Variants in KCNA2 observed in about 807,000 individuals in gnomAD.
KCNA2 encodes the protein potassium voltage-gated channel subfamily A member 2.
KCNA2 carries 11 observed loss-of-function variants against 33.4 expected under a neutral mutation model. The ratio of observed to expected loss-of-function variants is 0.33; its 90% confidence interval spans 0.21 to 0.55. The LOEUF (loss-of-function observed/expected upper bound fraction) is 0.55. KCNA2 is among the 20% of genes least tolerant of loss of function. The pLI is 0.93. For missense variants in KCNA2, 291 were observed against 621.6 expected, an observed-to-expected ratio of 0.47 and a Z score of 5.66; for synonymous variants, 222 against 231.3, an observed-to-expected ratio of 0.96 and a Z score of 0.37.
Position 110,594,166 on chromosome 1 carries a change from A to G in KCNA2, c.*9117T>C, listed in dbSNP as rs1007854065. ...TCTTTGAGTTTTCAGCAATTATTAGAGACAGGACATGGGAGGGCAGCTGAA... is the reference window on the plus strand; with the variant it reads ...TCTTTGAGTTTTCAGCAATTATTAGGGACAGGACATGGGAGGGCAGCTGAA... On this transcript the variant is annotated 3_prime_UTR_variant, in exon 3 of 3. Coordinates refer to ENST00000316361, the MANE Select transcript of KCNA2 (RefSeq NM_004974.4). 8.4e-6 allele frequency: 11 copies of G among 1,317,244 alleles called. No homozygotes were observed. In the African/African-American group the frequency reaches 1.7e-4, roughly 20 times the overall value. 81.6% of individuals were successfully genotyped at this position (1,317,244 alleles called of 1,614,324 possible).
rs1288135271 is a variant in KCNA2 at position 110,594,163 on chromosome 1, TAG to T, written c.*9118_*9119del. 12 of 1,321,966 alleles carry T rather than the reference TAG, an allele frequency of 9.1e-6. No individual in the cohort carries two copies. Among genetic ancestry groups the T allele is most frequent in the Non-Finnish European group, 1.2e-5 (12 of 1,037,370 alleles). 81.9% of individuals were successfully genotyped at this position (1,321,966 alleles called of 1,614,324 possible). A position where few individuals can be genotyped will look rare whatever the true frequency, so the allele number is the denominator to read the frequency against. On this transcript the variant is annotated 3_prime_UTR_variant, in exon 3 of 3. Coordinates refer to ENST00000316361, the MANE Select transcript of KCNA2 (RefSeq NM_004974.4). ...ACCTCTTTGAGTTTTCAGCAATTAT[TAG>T]AGACAGGACATGGGAGGGCAGCTGA...
At chr1:110,611,780 TG>T (rs2101433234) in intron 1 of KCNA2, among the ~76,000 whole-genome samples, 1 of 149,814 alleles carries the variant, frequency 6.7e-6, no homozygotes, top group East Asian at 2.0e-4. Flanking sequence ...TCTAACACTC[TG>T]GGAGGTTGAG....
intron 1 of KCNA2, among the ~76,000 whole-genome samples, chr1:110,620,448 C>T (rs1021884278): frequency 6.6e-6 from 1 of 152,176 alleles, no homozygotes; most frequent in Non-Finnish European, 1.5e-5. Flanking sequence ...GGCATGGCTG[C>T]CCATCGTCTC....
rs149933872 is a variant in KCNA2, at chr1:110,614,461, G to A, written c.-495-8739C>T. ...GCCTGAAGGTTACTCTAAGCCCCAC[G>A]TCCTTCTTCTCTCCCTTTTATGGCC... is the stretch of plus-strand genomic sequence containing the variant. On this transcript the variant is annotated intron_variant, in intron 1 of 4. Coordinates refer to the KCNA2 transcript ENST00000369770. Among the ~76,000 whole-genome samples, 765 of 152,312 alleles carry A rather than the reference G, an allele frequency of 5.0e-3. 5 individuals are homozygous for A. Among genetic ancestry groups the A allele is most frequent in the Non-Finnish European group, 8.7e-3 (590 of 68,028 alleles).
chr1:110,627,055 G>A (rs1249634365), intron 1 of KCNA2, among the ~76,000 whole-genome samples: 3 of 152,178 alleles, frequency 2.0e-5, no homozygotes, highest in Non-Finnish European at 4.4e-5. Flanking sequence ...ACGTGAAGGA[G>A]GAATTGCTGT....
At position 110,594,276 on chromosome 1, in the gene KCNA2, CCTCTCT is replaced by C. The variant is rs67332071; in HGVS notation, c.*9001_*9006del. On this transcript the variant is annotated 3_prime_UTR_variant, in exon 3 of 3. Coordinates refer to ENST00000316361, the MANE Select transcript of KCNA2 (RefSeq NM_004974.4). ...GAGCCTAAGTGAGTGGCGGCCATTT[CCTCTCT>C]CTCTCTCTCTCTATATATATATATA... 3.6e-6 allele frequency: 3 copies of C among 829,172 alleles called. No individual in the cohort carries two copies. Among genetic ancestry groups the C allele is most frequent in the African/African-American group, 3.8e-5 (2 of 52,126 alleles). 51.4% of individuals were successfully genotyped at this position (829,172 alleles called of 1,614,324 possible). A position where few individuals can be genotyped will look rare whatever the true frequency, so the allele number is the denominator to read the frequency against.
intron 1 of KCNA2, among the ~76,000 whole-genome samples, chr1:110,619,300 C>T (rs1484223141): frequency 6.6e-6 from 1 of 152,204 alleles, no homozygotes; most frequent in African/African-American, 2.4e-5. Context: ...ATGCCTGGCA[C>T]ACACTAGGAA....
In KCNA2 at chr1:110,603,025, G is replaced by GT; in HGVS notation, c.*257dup. ...GTATGGGATATGAGGTGGCCTCAAC[G>GT]TGTCTATCTGAAATCCTAGCTTGAT... is the stretch of plus-strand genomic sequence containing the variant. On this transcript the variant is annotated 3_prime_UTR_variant, in exon 3 of 3. Transcript: ENST00000316361. The surrounding 1 kb of genome is among the most constrained non-coding windows in gnomAD (Gnocchi z 5.7). The GT allele has an allele frequency of 7.4e-7, 1 of 1,346,942 alleles. No individual in the cohort carries two copies. The highest frequency in any genetic ancestry group is 9.5e-7 in the Non-Finnish European group (1 of 1,051,766). 83.4% of individuals were successfully genotyped at this position (1,346,942 alleles called of 1,614,324 possible).
rs764428302 is a variant in KCNA2, at chr1:110,604,345, C to G, written c.438G>C (p.Gln146His). Residue 146 changes from glutamine (Q) to histidine (H), a missense_variant, in exon 3 of 3, where the codon CAG (glutamine) becomes CAC (histidine). Physicochemically the swap from Gln to His is conservative, Grantham distance 24. Coordinates refer to ENST00000316361, the MANE Select transcript of KCNA2 (RefSeq NM_004974.4). This position sits in a 1 kb window ranked among gnomAD's most constrained non-coding sequence, Gnocchi z 7.6. ...EERPLPENEF[Q>H]RQVWLLFEYP... ...ATTCAAAGAGAAGCCACACTTGTCTCTGAAACTCATTTTCAGGCAGAGGAC... is the reference window on the plus strand; with the variant it reads ...ATTCAAAGAGAAGCCACACTTGTCTGTGAAACTCATTTTCAGGCAGAGGAC... 6.2e-7 allele frequency: 1 copy of G among 1,613,582 alleles called. No individual in the cohort carries two copies. Among genetic ancestry groups the G allele is most frequent in the African/African-American group, 1.3e-5 (1 of 74,762 alleles).
At chr1:110,623,675 A>C (rs1650316206) in intron 1 of KCNA2, among the ~76,000 whole-genome samples, 1 of 152,214 alleles carries the variant, frequency 6.6e-6, no homozygotes, top group African/African-American at 2.4e-5. Context: ...GATTACAGGC[A>C]TGAGCCACTG....
At chr1:110,615,956 G>C (rs1209700128) in intron 1 of KCNA2, among the ~76,000 whole-genome samples, 5 of 152,210 alleles carry the variant, frequency 3.3e-5, no homozygotes, top group Admixed American at 2.6e-4. Context: ...GGCCACATGG[G>C]TGCAGGGACG....
chr1:110,618,060 G>A (rs1186629780), intron 1 of KCNA2, among the ~76,000 whole-genome samples: 1 of 152,186 alleles, frequency 6.6e-6, no homozygotes, highest in African/African-American at 2.4e-5. Context: ...AGCAGAGAGG[G>A]CCTGGGTGCG....
chr1:110,597,913 G>A lies in KCNA2; in HGVS notation c.*5370C>T, dbSNP rs1649166588. 1 of 985,416 alleles carries A rather than the reference G, an allele frequency of 1.0e-6. No homozygotes were observed. The highest frequency in any genetic ancestry group is 1.7e-5 in the African/African-American group (1 of 57,340). 61.0% of individuals were successfully genotyped at this position (985,416 alleles called of 1,614,324 possible). ...AAGTAAACTAGGTTAGTTTGAGGAA[G>A]AGAACCTTCCTGCATGTAGGGGAGC... is the stretch of plus-strand genomic sequence containing the variant. On this transcript the variant is annotated 3_prime_UTR_variant, in exon 3 of 3. Coordinates refer to ENST00000316361, the MANE Select transcript of KCNA2 (RefSeq NM_004974.4).
chr1:110,629,035 T>A (rs1650475889), intron 1 of KCNA2, among the ~76,000 whole-genome samples: 1 of 152,190 alleles, frequency 6.6e-6, no homozygotes, highest in Non-Finnish European at 1.5e-5. Context: ...GCATTTGATA[T>A]CATTCATGTC....
intron 1 of KCNA2, among the ~76,000 whole-genome samples, chr1:110,618,191 A>T (rs1051563871): frequency 7.9e-5 from 12 of 152,114 alleles, no homozygotes; most frequent in East Asian, 3.9e-4. Context: ...AAAATAATTT[A>T]AAAAAATTAT....
chr1:110,621,822 A>T (rs533930620), intron 1 of KCNA2, among the ~76,000 whole-genome samples: 2 of 152,318 alleles, frequency 1.3e-5, no homozygotes, highest in South Asian at 4.1e-4. Flanking sequence ...ATAGTTATTT[A>T]AAAAATAAAT....
At chr1:110,611,020 G>GGAAGGAAGGAAGGAAA (rs1290950911), upstream of KCNA2, among the ~76,000 whole-genome samples, 78 of 80,024 alleles carry the variant, frequency 9.7e-4, no homozygotes, top group African/African-American at 5.2e-3. Context: ...GACAGAATGA[G>GGAAGGAAGGAAGGAAA]GAAGGAAGGA....
At chr1:110,623,030 A>G (rs1437084076) in intron 1 of KCNA2, among the ~76,000 whole-genome samples, 9 of 152,230 alleles carry the variant, frequency 5.9e-5, no homozygotes, top group African/African-American at 9.6e-5. Flanking sequence ...TTGAGAAAGA[A>G]CAAGATTAGA....
chr1:110,609,448 G>C (rs943767093), upstream of KCNA2, among the ~76,000 whole-genome samples: 3 of 152,180 alleles, frequency 2.0e-5, no homozygotes, highest in Admixed American at 6.5e-5. Flanking sequence ...GAAAGGAAAT[G>C]GAGGCAGTGA....
Sources: gnomAD v4.1 joint callset for allele counts (sites outside exome capture counted in the v4.1 genomes callset) on GRCh38, gnomAD v4.1.1 for gene constraint, Gnocchi (gnomAD v3.1) non-coding constraint, MANE v1.5 for transcripts, NCBI Gene and HGNC (gene_info 2026-07-23, HGNC 2026-07-21) for gene names.